The following SHROOM3 variants were observed in gnomAD, a reference collection of about 807,000 sequenced individuals.
The protein encoded by SHROOM3 is shroom family member 3.
A neutral mutation model predicts 138.6 loss-of-function variants in SHROOM3; 47 were observed. The ratio of observed to expected loss-of-function variants is 0.34; its 90% CI spans 0.27 to 0.43. The LOEUF is 0.43. Ranked by LOEUF, SHROOM3 falls within the 20% of genes least tolerant of loss-of-function variation. The pLI, the probability that SHROOM3 is intolerant of heterozygous loss-of-function variation, is 1.00. For missense variants in SHROOM3, 2,491 were observed against 2,596.5 expected (o/e 0.96, Z 0.88); for synonymous variants, 1,062 against 1,063.3 (o/e 1.00, Z 0.02).
chr4:76,688,080 A>G (rs1204660205), intron 2 of SHROOM3, among the ~76,000 whole-genome samples: 1 of 152,156 alleles, frequency 6.6e-6, no homozygotes, highest in Non-Finnish European at 1.5e-5. Flanking sequence ...CTCTCCCCCA[A>G]ACAAGATTGC....
At chr4:76,479,136 C>G (rs1169224097) in intron 1 of SHROOM3, among the ~76,000 whole-genome samples, 1 of 151,868 alleles carries the variant, frequency 6.6e-6, no homozygotes, top group Non-Finnish European at 1.5e-5. Flanking sequence ...ATGAGTTTGA[C>G]AAATTGACAG....
chr4:76,441,947 C>G (rs1188579902), intron 1 of SHROOM3, among the ~76,000 whole-genome samples: 3 of 152,150 alleles, frequency 2.0e-5, no homozygotes, highest in Non-Finnish European at 4.4e-5. Flanking sequence ...GTCTCAAGCT[C>G]CCAACCTCGA....
chr4:76,733,243 G>A (rs535065973), intron 4 of SHROOM3, among the ~76,000 whole-genome samples: 5 of 152,278 alleles, frequency 3.3e-5, no homozygotes, highest in East Asian at 1.9e-4. Flanking sequence ...GAATGGGGCC[G>A]TCAGCACCAG....
At chr4:76,469,909 A>C (rs1731333314) in intron 1 of SHROOM3, among the ~76,000 whole-genome samples, 1 of 152,164 alleles carries the variant, frequency 6.6e-6, no homozygotes, top group Non-Finnish European at 1.5e-5. Flanking sequence ...GAAGATTGAG[A>C]TTTAAGACGA....
intron 2 of SHROOM3, among the ~76,000 whole-genome samples, chr4:76,668,130 T>A (rs1342757614): frequency 1.3e-5 from 2 of 152,052 alleles, no homozygotes; most frequent in African/African-American, 4.8e-5. Context: ...CTGGTACCTC[T>A]TCTGTGAAGC....
At chr4:76,526,804 T>C (rs1403282699) in intron 1 of SHROOM3, among the ~76,000 whole-genome samples, 1 of 152,120 alleles carries the variant, frequency 6.6e-6, no homozygotes, top group African/African-American at 2.4e-5. Flanking sequence ...ATGAGTGAAA[T>C]ATAATAATTG....
chr4:76,735,853 AAAAAAAAAAAAAAAAATATATATATATAT>A (rs1190636063), intron 4 of SHROOM3, among the ~76,000 whole-genome samples: 20 of 55,582 alleles, frequency 3.6e-4, no homozygotes, highest in Non-Finnish European at 5.0e-4. Context: ...AAAAAAAAAA[AAAAAAAAAAAAAAAAATATATATATATAT>A]ATATATATAT....
intron 1 of SHROOM3, among the ~76,000 whole-genome samples, chr4:76,526,372 A>G (rs538100998): frequency 6.6e-6 from 1 of 152,294 alleles, no homozygotes; most frequent in African/African-American, 2.4e-5. Context: ...TCTCAAAAGA[A>G]AAAAATAAAA....
At chr4:76,480,596 A>T (rs1424073689) in intron 1 of SHROOM3, among the ~76,000 whole-genome samples, 1 of 152,190 alleles carries the variant, frequency 6.6e-6, no homozygotes, top group East Asian at 1.9e-4. Flanking sequence ...ATTAACAAGG[A>T]TATTCAGGAC....
intron 9 of SHROOM3, among the ~76,000 whole-genome samples, chr4:76,764,451 G>T (rs1196035596): frequency 6.6e-6 from 1 of 152,206 alleles, no homozygotes; most frequent in African/African-American, 2.4e-5. Context: ...GTTCTCAGCT[G>T]CCCATTCCCG....
chr4:76,653,967 A>C (rs1389141333), intron 2 of SHROOM3, among the ~76,000 whole-genome samples: 4 of 152,216 alleles, frequency 2.6e-5, no homozygotes, highest in Non-Finnish European at 5.9e-5. Context: ...CTTAAATAGA[A>C]GACTCTAGTA....
intron 1 of SHROOM3, among the ~76,000 whole-genome samples, chr4:76,472,578 T>G (rs6839404): frequency 1.3e-5 from 2 of 152,152 alleles, no homozygotes; most frequent in Non-Finnish European, 2.9e-5. Flanking sequence ...TACTTTTTGG[T>G]GTATATGTTA....
intron 2 of SHROOM3, among the ~76,000 whole-genome samples, chr4:76,609,767 C>T (rs757198345): frequency 6.6e-6 from 1 of 152,130 alleles, no homozygotes; most frequent in Non-Finnish European, 1.5e-5. Flanking sequence ...TAACATTTAC[C>T]TAAATAGAGA....
At chr4:76,468,901 G>A (rs1329753681) in intron 1 of SHROOM3, among the ~76,000 whole-genome samples, 1 of 152,062 alleles carries the variant, frequency 6.6e-6, no homozygotes, top group Non-Finnish European at 1.5e-5. Flanking sequence ...AGGCGTGGTG[G>A]CAGGCGACTG....
At chr4:76,506,777 A>G (rs1459017210) in intron 1 of SHROOM3, among the ~76,000 whole-genome samples, 1 of 152,130 alleles carries the variant, frequency 6.6e-6, no homozygotes, top group Non-Finnish European at 1.5e-5. Context: ...TCATATTTTT[A>G]ATAACATGTT....
intron 2 of SHROOM3, among the ~76,000 whole-genome samples, chr4:76,679,193 A>G (rs1719122384): frequency 6.6e-6 from 1 of 152,236 alleles, no homozygotes; most frequent in Admixed American, 6.5e-5. Context: ...ACCTTTCTCT[A>G]TTTCTAGTTC....
rs344144 is a variant in SHROOM3, at chr4:76,742,109, T to C, written c.3753+183T>C. 442,117 of 782,704 alleles carry C rather than the reference T, an allele frequency of 0.56. 128,780 individuals carry two copies. Among genetic ancestry groups the C allele is most frequent in the Non-Finnish European group, 0.62 (285,072 of 461,228 alleles). 48.5% of individuals were successfully genotyped at this position (782,704 alleles called of 1,614,324 possible). Reference sequence around the variant, plus strand: ...AAGTGTCCCTTACCTGGTTTCCTTATAAAGATATAGGTATCTAGATTACGT... The same window carrying C: ...AAGTGTCCCTTACCTGGTTTCCTTACAAAGATATAGGTATCTAGATTACGT... On this transcript the variant is annotated intron_variant, in intron 5 of 10. Transcript: ENST00000296043.
intron 2 of SHROOM3, among the ~76,000 whole-genome samples, chr4:76,706,766 G>A (rs1720068226): frequency 6.6e-6 from 1 of 152,204 alleles, no homozygotes. Flanking sequence ...GTTTATCTTT[G>A]TTGACCTGTG....
intron 1 of SHROOM3, among the ~76,000 whole-genome samples, chr4:76,515,211 T>C (rs1202951189): frequency 6.3e-5 from 8 of 126,386 alleles, no homozygotes; most frequent in Non-Finnish European, 9.6e-5. Flanking sequence ...CAAAACTCTG[T>C]CTAAAAAAAA....
Sources: allele counts gnomAD v4.1 joint callset (sites outside exome capture counted in the v4.1 genomes callset), GRCh38; gene constraint gnomAD v4.1.1; transcripts MANE v1.5; gene names NCBI Gene and HGNC (gene_info 2026-07-23, HGNC 2026-07-21).